FRAS1: variants seen among roughly 807,000 people sequenced by gnomAD.
FRAS1 encodes extracellular matrix organizing protein FRAS1.
Under a neutral mutation model 435.2 loss-of-function variants are expected in FRAS1, and 290 were observed. That is an observed-to-expected ratio of 0.67 (90% CI 0.61 to 0.73). The LOEUF (loss-of-function observed/expected upper bound fraction) is 0.73. Among genes scored for constraint, FRAS1 ranks in the 30% least tolerant of loss-of-function variants. The probability of loss-of-function intolerance (pLI) is 0.00; values close to 1 mark genes in which losing one functional copy is unlikely to be tolerated. For synonymous variants in FRAS1, 1,800 were observed against 1,851.0 expected (o/e 0.97, Z 0.71); for missense variants, 4,860 against 5,001.5 (o/e 0.97, Z 0.85).
intron 2 of FRAS1, among the ~76,000 whole-genome samples, chr4:78,067,002 C>T (rs1246032077): frequency 6.6e-6 from 1 of 152,002 alleles, no homozygotes; most frequent in Non-Finnish European, 1.5e-5. Context: ...ATTTGTCATT[C>T]CATATCCTGC....
At chr4:78,411,521 G>T (rs1733334936) in intron 31 of FRAS1, among the ~76,000 whole-genome samples, 1 of 152,102 alleles carries the variant, frequency 6.6e-6, no homozygotes, top group South Asian at 2.1e-4. Flanking sequence ...AATGCCAGTG[G>T]GATTAGAAAA....
chr4:78,120,267 A>T (rs903960554), intron 2 of FRAS1, among the ~76,000 whole-genome samples: 1 of 152,184 alleles, frequency 6.6e-6, no homozygotes, highest in Non-Finnish European at 1.5e-5. Context: ...AGTTCAAATA[A>T]AGTAACTCCT....
intron 69 of FRAS1, among the ~76,000 whole-genome samples, 200 bp downstream of exon 69, chr4:78,523,008 G>A (rs952971812): frequency 2.6e-5 from 4 of 152,158 alleles, no homozygotes; most frequent in Non-Finnish European, 5.9e-5. Context: ...TCAGGAGTGC[G>A]AAGCTGCAGT....
At chr4:78,489,632 TC>T (rs1471391202) in intron 59 of FRAS1, among the ~76,000 whole-genome samples, 1 of 152,192 alleles carries the variant, frequency 6.6e-6, no homozygotes, top group Non-Finnish European at 1.5e-5. Context: ...CTTCTTTGTC[TC>T]CCACTTACAA....
intron 65 of FRAS1, among the ~76,000 whole-genome samples, chr4:78,515,503 C>G (rs1021047343): frequency 6.6e-6 from 1 of 152,158 alleles, no homozygotes; most frequent in African/African-American, 2.4e-5. Context: ...AGAGAGTTTT[C>G]CTTTCCAAGT....
chr4:78,442,169 G>T (rs796617175), intron 41 of FRAS1, among the ~76,000 whole-genome samples: 17 of 152,356 alleles, frequency 1.1e-4, no homozygotes, highest in African/African-American at 3.8e-4. Flanking sequence ...TCCTACAGAA[G>T]TTTTGGATCC....
chr4:78,400,279 T>C (rs1293147970), intron 29 of FRAS1, among the ~76,000 whole-genome samples: 1 of 152,220 alleles, frequency 6.6e-6, no homozygotes, highest in Non-Finnish European at 1.5e-5. Flanking sequence ...TCGTGAAGCA[T>C]CCTAATTATT....
intron 19 of FRAS1, among the ~76,000 whole-genome samples, chr4:78,335,536 G>A (rs1397774772): frequency 6.6e-6 from 1 of 152,196 alleles, no homozygotes; most frequent in Admixed American, 6.5e-5. Context: ...TTGAGCGGGT[G>A]AAGGAACAGA....
chr4:78,171,028 T>C (rs1309667586), intron 2 of FRAS1, among the ~76,000 whole-genome samples: 1 of 152,052 alleles, frequency 6.6e-6, no homozygotes, highest in African/African-American at 2.4e-5. Flanking sequence ...ACAGTCAAGT[T>C]CACAATGAAC....
chr4:78,450,420 C>T, intron 45 of FRAS1, 81 bp downstream of exon 45: 1 of 1,135,794 alleles, frequency 8.8e-7, no homozygotes, highest in Non-Finnish European at 1.3e-6. Flanking sequence ...ATCTGGTAGT[C>T]TATGGCAATA....
chr4:78,376,999 TA>T (rs1175626294), intron 26 of FRAS1, among the ~76,000 whole-genome samples: 1 of 151,708 alleles, frequency 6.6e-6, no homozygotes, highest in East Asian at 1.9e-4. Context: ...GTCTCAAAAA[TA>T]ATAATAATAA....
At chr4:78,090,916 A>C (rs1741481412) in intron 2 of FRAS1, among the ~76,000 whole-genome samples, 1 of 152,202 alleles carries the variant, frequency 6.6e-6, no homozygotes, top group African/African-American at 2.4e-5. Flanking sequence ...TAAAGGATAA[A>C]TTTGTAGTTT....
At chr4:78,307,598 G>T (rs1728825738) in intron 14 of FRAS1, among the ~76,000 whole-genome samples, 1 of 152,230 alleles carries the variant, frequency 6.6e-6, no homozygotes, top group African/African-American at 2.4e-5. Context: ...GCAGTATTCG[G>T]GTGGGAGTGA....
chr4:78,398,528 G>C (rs1018177877), intron 29 of FRAS1, among the ~76,000 whole-genome samples: 5 of 152,196 alleles, frequency 3.3e-5, no homozygotes, highest in Admixed American at 2.6e-4. Context: ...TAGTGGGCAA[G>C]CCATCTGGGA....
chr4:78,114,728 G>A (rs1174335764), intron 2 of FRAS1, among the ~76,000 whole-genome samples: 2 of 152,238 alleles, frequency 1.3e-5, no homozygotes, highest in African/African-American at 4.8e-5. Context: ...GAGATTTTGG[G>A]CTGATACGAT....
intron 2 of FRAS1, among the ~76,000 whole-genome samples, chr4:78,213,550 A>G (rs910118809): frequency 3.3e-5 from 5 of 152,202 alleles, no homozygotes; most frequent in Non-Finnish European, 7.3e-5. Context: ...CTTATTTTCC[A>G]TGTTTTCTGG....
Position 78,540,646 on chromosome 4 carries a change from A to G in FRAS1, c.11561A>G (p.Asp3854Gly), listed in dbSNP as rs1722020068. Reference sequence around the variant, plus strand: ...GCTCCACTCAGACGCAACCGAAGGGACCTGGTAGAGCCCGATGGCCAGCTG... The same window carrying G: ...GCTCCACTCAGACGCAACCGAAGGGGCCTGGTAGAGCCCGATGGCCAGCTG... ...LTAPLRRNRR[D>G]LVEPDGQLIL... The change falls in exon 74 of 74, where the codon GAC becomes GGC. Residue 3854 changes from aspartate to glycine, a missense_variant. Coordinates refer to ENST00000512123, the MANE Select transcript of FRAS1 (RefSeq NM_025074.7). 1.2e-6 allele frequency: 2 copies of G among 1,608,104 alleles called. No individual in the cohort carries two copies. The highest frequency in any genetic ancestry group is 1.7e-6 in the Non-Finnish European group (2 of 1,176,796).
Position 78,318,818 on chromosome 4 carries a change from T to TC in FRAS1, c.1971dup (p.Ser658LeufsTer17). The stretch of plus-strand genomic sequence containing the variant: ...TTTATTTCCATTTGCAGCCTGTCAC[T>TC]CCTCCTGCCTGGCTTGTATGGGTCC... On this transcript the variant is annotated frameshift_variant, in exon 18 of 74. Coordinates refer to ENST00000512123, the MANE Select transcript of FRAS1 (RefSeq NM_025074.7). LOFTEE classifies it high-confidence loss of function. 6.4e-7 allele frequency: 1 copy of TC among 1,563,176 alleles called. No individual in the cohort carries two copies. Among genetic ancestry groups the TC allele is most frequent in the Non-Finnish European group, 8.7e-7 (1 of 1,151,118 alleles).
chr4:78,346,729 C>T (rs1032797311), intron 20 of FRAS1, among the ~76,000 whole-genome samples: 4 of 152,046 alleles, frequency 2.6e-5, no homozygotes, highest in African/African-American at 9.7e-5. Flanking sequence ...CATCTTTTCT[C>T]CTCAAATCTT....
Sources: allele counts gnomAD v4.1 joint callset (sites outside exome capture counted in the v4.1 genomes callset), GRCh38; gene constraint gnomAD v4.1.1; transcripts MANE v1.5; gene names NCBI Gene and HGNC (gene_info 2026-07-23, HGNC 2026-07-21).